Variants in RBPMS observed in about 807,000 individuals in gnomAD.
RBPMS encodes the protein RNA binding protein, mRNA processing factor.
RBPMS carries 7 observed loss-of-function variants against 26.8 expected under a neutral mutation model. The ratio of observed to expected loss-of-function variants is 0.26; its 90% CI spans 0.15 to 0.49. The LOEUF (loss-of-function observed/expected upper bound fraction) is 0.49. RBPMS is among the 20% of genes least tolerant of loss of function. RBPMS has a pLI of 0.98. For missense variants in RBPMS, 186 were observed against 250.0 expected (o/e 0.74, Z 1.73); for synonymous variants, 96 against 93.3 (o/e 1.03, Z -0.17).
At chr8:30,446,312 C>G (rs1233934619) in intron 1 of RBPMS, among the ~76,000 whole-genome samples, 1 of 152,094 alleles carries the variant, frequency 6.6e-6, no homozygotes, top group Non-Finnish European at 1.5e-5. Flanking sequence ...TATTTTATTG[C>G]CTTTAATGTA....
intron 1 of RBPMS, among the ~76,000 whole-genome samples, chr8:30,408,306 A>T (rs893412651): frequency 6.6e-6 from 1 of 152,210 alleles, no homozygotes. Context: ...AGGCAGGCGG[A>T]TCACCTGAGG....
At chr8:30,557,251 G>T (rs1827014534) in intron 6 of RBPMS, among the ~76,000 whole-genome samples, 1 of 152,256 alleles carries the variant, frequency 6.6e-6, no homozygotes, top group Admixed American at 6.5e-5. Context: ...GGCCAGCGAG[G>T]AAAGAACCGC....
intron 1 of RBPMS, among the ~76,000 whole-genome samples, chr8:30,392,436 G>A (rs1807892959): frequency 6.6e-6 from 1 of 152,092 alleles, no homozygotes; most frequent in Non-Finnish European, 1.5e-5. Context: ...ACTGGGGAGG[G>A]GGCACTGGCC....
chr8:30,413,470 A>G (rs1365739444), intron 1 of RBPMS, among the ~76,000 whole-genome samples: 1 of 152,032 alleles, frequency 6.6e-6, no homozygotes, highest in Non-Finnish European at 1.5e-5. Context: ...TATACTTTTC[A>G]AATTTTGTAA....
At chr8:30,392,959 T>C (rs967565543) in intron 1 of RBPMS, among the ~76,000 whole-genome samples, 2 of 151,720 alleles carry the variant, frequency 1.3e-5, no homozygotes, top group Admixed American at 6.6e-5. Flanking sequence ...ATACTGGGAG[T>C]GAGTGCCCAG....
intron 5 of RBPMS, among the ~76,000 whole-genome samples, chr8:30,543,479 T>C (rs1203236467): frequency 2.0e-5 from 3 of 152,186 alleles, no homozygotes; most frequent in Non-Finnish European, 4.4e-5. Context: ...GAGTTACTAA[T>C]GACTTCTATC....
At chr8:30,503,130 C>A (rs186984556) in intron 4 of RBPMS, among the ~76,000 whole-genome samples, 1 of 152,200 alleles carries the variant, frequency 6.6e-6, no homozygotes, top group Admixed American at 6.5e-5. Context: ...CCCCTTCCCC[C>A]CTTGTTTCCT....
intron 6 of RBPMS, chr8:30,545,490 T>A: frequency 1.0e-6 from 1 of 963,812 alleles, no homozygotes; most frequent in Non-Finnish European, 1.2e-6. Context: ...TTCATTTGTC[T>A]TTCTGCATGT....
At chr8:30,504,547 T>A in intron 5 of RBPMS, 111 bp downstream of exon 5, 1 of 1,123,466 alleles carries the variant, frequency 8.9e-7, no homozygotes, top group Admixed American at 2.4e-5. Context: ...ATTTTCCATT[T>A]CTGTGAAGAG....
At chr8:30,426,566 C>T (rs1002991714) in intron 1 of RBPMS, among the ~76,000 whole-genome samples, 2 of 152,060 alleles carry the variant, frequency 1.3e-5, no homozygotes, top group African/African-American at 2.4e-5. Flanking sequence ...ACATGACTAT[C>T]TCTGATCTTA....
At chr8:30,495,415 A>G (rs1819841618) in intron 4 of RBPMS, among the ~76,000 whole-genome samples, 1 of 152,130 alleles carries the variant, frequency 6.6e-6, no homozygotes, top group African/African-American at 2.4e-5. Flanking sequence ...ATGGCCCAGC[A>G]TCACCTCTAA....
chr8:30,415,709 A>T (rs889444357), intron 1 of RBPMS, among the ~76,000 whole-genome samples: 4 of 152,012 alleles, frequency 2.6e-5, no homozygotes, highest in Non-Finnish European at 4.4e-5. Context: ...CCTTGGGAAA[A>T]CCTGGAATAA....
intron 1 of RBPMS, among the ~76,000 whole-genome samples, chr8:30,463,203 C>T (rs1036764979): frequency 6.6e-6 from 1 of 152,216 alleles, no homozygotes; most frequent in Non-Finnish European, 1.5e-5. Flanking sequence ...AATCTATGCA[C>T]ATTGCATGTA....
At chr8:30,557,800 T>C (rs1827086348) in intron 6 of RBPMS, among the ~76,000 whole-genome samples, 1 of 152,224 alleles carries the variant, frequency 6.6e-6, no homozygotes, top group Non-Finnish European at 1.5e-5. Context: ...CTTGCCTGTG[T>C]CCAAAAACAT....
chr8:30,471,573 CA>C (rs1817112452), intron 1 of RBPMS, among the ~76,000 whole-genome samples: 1 of 152,164 alleles, frequency 6.6e-6, no homozygotes, highest in Admixed American at 6.5e-5. Context: ...GAACCTGGCA[CA>C]GTGTCAGAGA....
At chr8:30,550,139 C>T (rs181570823) in intron 6 of RBPMS, among the ~76,000 whole-genome samples, 14 of 152,292 alleles carry the variant, frequency 9.2e-5, no homozygotes, top group Admixed American at 7.8e-4. Context: ...CGCCTGGGGG[C>T]GATTTCTATG....
chr8:30,548,940 T>TA (rs1185934484), intron 6 of RBPMS, among the ~76,000 whole-genome samples: 1 of 152,234 alleles, frequency 6.6e-6, no homozygotes, highest in Non-Finnish European at 1.5e-5. Flanking sequence ...TTTGAATACA[T>TA]AGAGTGTTGG....
chr8:30,478,128 C>T (rs1817887018), intron 3 of RBPMS, among the ~76,000 whole-genome samples: 1 of 152,094 alleles, frequency 6.6e-6, no homozygotes, highest in Non-Finnish European at 1.5e-5. Flanking sequence ...CTTTTATTCC[C>T]AAGTCTTTCC....
chr8:30,414,109 C>T (rs56196610), intron 1 of RBPMS, among the ~76,000 whole-genome samples: 5,065 of 151,856 alleles, frequency 0.033, 148 homozygotes, highest in Non-Finnish European at 0.051. Flanking sequence ...CCTCCTCCCC[C>T]ACCCCCTCCT....
Sources: gnomAD v4.1 joint callset for allele counts (sites outside exome capture counted in the v4.1 genomes callset) on GRCh38, gnomAD v4.1.1 for gene constraint, MANE v1.5 for transcripts, NCBI Gene and HGNC (gene_info 2026-07-23, HGNC 2026-07-21) for gene names.